ANGPTL5: variants seen among roughly 807,000 people sequenced by gnomAD.
The protein encoded by ANGPTL5 is angiopoietin like 5.
ANGPTL5 carries 34 observed loss-of-function variants against 39.4 expected under a neutral mutation model. That is an observed-to-expected ratio of 0.86 (90% CI 0.66 to 1.15). The LOEUF (loss-of-function observed/expected upper bound fraction) is 1.15, where lower values mean the gene tolerates loss of function less well. Among genes scored for constraint, ANGPTL5 ranks in the 50% most tolerant of loss-of-function variants. The pLI, the probability that ANGPTL5 is intolerant of heterozygous loss-of-function variation, is 0.00. For synonymous variants in ANGPTL5, 146 were observed against 152.1 expected (o/e 0.96, Z 0.29); for missense variants, 467 against 457.5 (o/e 1.02, Z -0.19).
At chr11:101,915,402 G>A (rs1321996190) in intron 1 of ANGPTL5, 2 of 1,613,038 alleles carry the variant, frequency 1.2e-6, no homozygotes, top group South Asian at 2.2e-5. Flanking sequence ...TCACCGACCT[G>A]GCTCTTACCT....
intron 7 of ANGPTL5, among the ~76,000 whole-genome samples, chr11:101,895,957 C>T (rs1037537234): frequency 1.3e-5 from 2 of 152,002 alleles, no homozygotes; most frequent in African/African-American, 4.8e-5. Flanking sequence ...TTCTTCAGAG[C>T]TCACAGGGGC....
chr11:101,905,897 CA>C, intron 3 of ANGPTL5, 50 bp from the exon 4 acceptor site: 1 of 1,063,028 alleles, frequency 9.4e-7, no homozygotes, highest in Non-Finnish European at 1.4e-6. Flanking sequence ...TTACAGAAAA[CA>C]ATTACAGTGA....
intron 4 of ANGPTL5, among the ~76,000 whole-genome samples, chr11:101,905,392 C>T (rs1164550210): frequency 6.6e-6 from 1 of 152,190 alleles, no homozygotes; most frequent in Non-Finnish European, 1.5e-5. Flanking sequence ...ATGGAATGTC[C>T]TCTTCGCCTT....
chr11:101,905,570 A>G (rs1939984640), intron 4 of ANGPTL5, among the ~76,000 whole-genome samples, 174 bp downstream of exon 4: 1 of 152,168 alleles, frequency 6.6e-6, no homozygotes, highest in Non-Finnish European at 1.5e-5. Context: ...CCTTGAATTA[A>G]GTTCGATTTT....
At position 101,900,449 on chromosome 11, in the gene ANGPTL5, A is replaced by T; in HGVS notation, c.642T>A (p.Asp214Glu). The change falls in exon 7 of 9, where the codon GAT (aspartate) becomes GAA (glutamate). Residue 214 changes from aspartate (D) to glutamate (E), a missense_variant. By Grantham distance (45) the Asp-to-Glu change is conservative. Coordinates refer to ENST00000334289, the MANE Select transcript of ANGPTL5 (RefSeq NM_178127.5). ...DFQRLWCDYL[D>E]GFGDLLGEFW... ...ATTAACCTAGAAGATCTCCAAATCC[A>T]TCCAGATAATCACACCACAACCTCT... 6.2e-7 allele frequency: 1 copy of T among 1,613,488 alleles called. No individual in the cohort carries two copies. The highest frequency in any genetic ancestry group is 8.5e-7 in the Non-Finnish European group (1 of 1,179,720).
chr11:101,914,875 C>T (rs1940162736), intron 1 of ANGPTL5: 1 of 179,472 alleles, frequency 5.6e-6, no homozygotes, highest in African/African-American at 2.3e-5. Flanking sequence ...GCGCAACAAC[C>T]CGGGTCCCTA....
chr11:101,910,424 A>AT lies in ANGPTL5; in HGVS notation c.-92-2424_-92-2423insA, dbSNP rs1555048792. Among the ~76,000 whole-genome samples the AT allele has an allele frequency of 7.4e-4, 94 of 127,204 alleles. 1 individual carries two copies. The highest frequency in any genetic ancestry group is 1.4e-3 in the Admixed American group (18 of 12,418). 83.5% of individuals were successfully genotyped at this position (127,204 alleles called of 152,430 possible). Reference sequence around the variant, plus strand: ...AAACTCCGTCTCAAAAAAAAAAAAAAATATATATATATATATATATATTCA... The same window carrying AT: ...AAACTCCGTCTCAAAAAAAAAAAAAATATATATATATATATATATATATTCA... On this transcript the variant is annotated intron_variant, in intron 1 of 8. Coordinates refer to ENST00000334289, the MANE Select transcript of ANGPTL5 (RefSeq NM_178127.5).
intron 1 of ANGPTL5, chr11:101,915,221 G>A: frequency 6.2e-7 from 1 of 1,600,482 alleles, no homozygotes; most frequent in Non-Finnish European, 8.5e-7. Context: ...AGGAGGAGGA[G>A]GAAGCCGGAG....
At chr11:101,900,782 C>A (rs569648486) in intron 6 of ANGPTL5, among the ~76,000 whole-genome samples, 4 of 151,828 alleles carry the variant, frequency 2.6e-5, no homozygotes, top group Admixed American at 6.6e-5. Context: ...TATTATCAAA[C>A]AAATTTGTAA....
intron 7 of ANGPTL5, among the ~76,000 whole-genome samples, chr11:101,896,879 G>A (rs1565338674): frequency 6.6e-6 from 1 of 152,158 alleles, no homozygotes; most frequent in Non-Finnish European, 1.5e-5. Flanking sequence ...CCAGTAATGG[G>A]ATTGCTGGGT....
intron 1 of ANGPTL5, among the ~76,000 whole-genome samples, chr11:101,908,245 G>T (rs1350995222): frequency 6.6e-6 from 1 of 152,030 alleles, no homozygotes; most frequent in Non-Finnish European, 1.5e-5. Flanking sequence ...AATAAAGCAT[G>T]AATTTATAAA....
Position 101,891,402 on chromosome 11 carries a change from G to C in ANGPTL5, c.1044C>G (p.His348Gln). 1 of 1,614,036 alleles carries C rather than the reference G, an allele frequency of 6.2e-7. No homozygotes were observed. The highest frequency in any genetic ancestry group is 1.1e-5 in the South Asian group (1 of 91,074). The change falls in exon 9 of 9, where the codon CAC becomes CAG. Residue 348 changes from histidine (H) to glutamine (Q), a missense_variant. Physicochemically the swap from His to Gln is conservative, Grantham distance 24. Transcript: ENST00000334289. ...CAGTTGCAAGCAATTTTCCAGAGAAGTGATGAATGCCATTTAGATTTGCTA... is the reference window on the plus strand; with the variant it reads ...CAGTTGCAAGCAATTTTCCAGAGAACTGATGAATGCCATTTAGATTTGCTA... ...CGLANLNGIH[H>Q]FSGKLLATGI...
At chr11:101,900,282 T>C in intron 7 of ANGPTL5, 148 bp downstream of exon 7, 1 of 739,668 alleles carries the variant, frequency 1.4e-6, no homozygotes, top group Non-Finnish European at 2.2e-6. Flanking sequence ...TTTTAAATAA[T>C]CTGGCATATG....
chr11:101,901,015 C>CT lies in ANGPTL5; in HGVS notation c.541-466dup, dbSNP rs34425298. On this transcript the variant is annotated intron_variant, in intron 6 of 8. Coordinates refer to ENST00000334289, the MANE Select transcript of ANGPTL5 (RefSeq NM_178127.5). Reference sequence around the variant, plus strand: ...TACAGGCGCCCGCTAGCACCCCCGGCTTTTTTTTTTTTTTTTTTTTTCTTT... The same window carrying CT: ...TACAGGCGCCCGCTAGCACCCCCGGCTTTTTTTTTTTTTTTTTTTTTTCTTT... Among the ~76,000 whole-genome samples the CT allele has an allele frequency of 8.0e-3, 792 of 98,578 alleles. 12 individuals carry two copies. The highest frequency in any genetic ancestry group is 0.01 in the Non-Finnish European group (543 of 51,720). The allele number at this position is 98,578 out of a possible 152,430, so 64.7% of individuals were successfully genotyped here.
At chr11:101,901,146 A>G (rs1414322741) in intron 6 of ANGPTL5, among the ~76,000 whole-genome samples, 2 of 150,876 alleles carry the variant, frequency 1.3e-5, no homozygotes, top group African/African-American at 4.9e-5. Flanking sequence ...CAGAGTGCTG[A>G]GATTACAGGC....
chr11:101,914,948 T>C, intron 1 of ANGPTL5: 1 of 250,746 alleles, frequency 4.0e-6, no homozygotes, highest in Non-Finnish European at 7.6e-6. Context: ...TGCGATTGGC[T>C]GCTTCGGGCA....
chr11:101,905,015 G>A, intron 4 of ANGPTL5, 108 bp from the exon 5 acceptor site: 1 of 795,398 alleles, frequency 1.3e-6, no homozygotes, highest in Non-Finnish European at 2.1e-6. Context: ...CATTTTTCTA[G>A]ATTGATTTCT....
chr11:101,901,141 T>G (rs147495679), intron 6 of ANGPTL5, among the ~76,000 whole-genome samples: 1 of 151,322 alleles, frequency 6.6e-6, no homozygotes, highest in South Asian at 2.1e-4. Context: ...CCTCCCAGAG[T>G]GCTGAGATTA....
In ANGPTL5 at chr11:101,907,201, T is replaced by C. The variant is rs1398556486; in HGVS notation, c.143A>G (p.Asp48Gly). 1 of 1,563,052 alleles carries C rather than the reference T, an allele frequency of 6.4e-7. No homozygotes were observed. The highest frequency in any genetic ancestry group is 8.8e-7 in the Non-Finnish European group (1 of 1,138,084). ...NIVEDGSNAKDESKSNDTVCK... is the reference protein window; with the variant it reads ...NIVEDGSNAKGESKSNDTVCK... Reference sequence around the variant, plus strand: ...AACAGTATCATTACTTTTACTTTCATCTTTTGCATTAGATCCATCTTCTAC... The same window carrying C: ...AACAGTATCATTACTTTTACTTTCACCTTTTGCATTAGATCCATCTTCTAC... The change falls in exon 3 of 9, where the codon GAT becomes GGT. Residue 48 changes from aspartate (D) to glycine (G), a missense_variant. Coordinates refer to ENST00000334289, the MANE Select transcript of ANGPTL5 (RefSeq NM_178127.5).
Sources: allele counts gnomAD v4.1 joint callset (sites outside exome capture counted in the v4.1 genomes callset), GRCh38; gene constraint gnomAD v4.1.1; transcripts MANE v1.5; gene names NCBI Gene and HGNC (gene_info 2026-07-23, HGNC 2026-07-21).